The following GFPT2 variants were observed in gnomAD, a reference collection of about 807,000 sequenced individuals.
GFPT2 encodes the protein glutamine--fructose-6-phosphate transaminase 2.
GFPT2 carries 62 observed loss-of-function variants against 85.6 expected under a neutral mutation model. The observed-to-expected ratio is 0.72, with a 90% CI of 0.59 to 0.90. The LOEUF is 0.90. GFPT2 is among the 40% of genes least tolerant of loss of function. GFPT2 has a pLI of 0.00. For missense variants in GFPT2, 788 were observed against 893.4 expected (o/e 0.88, Z 1.50); for synonymous variants, 368 against 344.5 (o/e 1.07, Z -0.75).
rs1429251809 is a variant in GFPT2, at chr5:180,304,873, G to A, written c.1741C>T (p.Leu581=). 4 of 1,613,126 alleles carry A rather than the reference G, an allele frequency of 2.5e-6. No individual in the cohort carries two copies. Among genetic ancestry groups the A allele is most frequent in the Non-Finnish European group, 3.4e-6 (4 of 1,179,156 alleles). Residue 581 remains leucine, a synonymous_variant, in exon 17 of 19, where the codon CTG becomes TTG. Coordinates refer to ENST00000253778, the MANE Select transcript of GFPT2 (RefSeq NM_005110.4). ...ILAGELKHGP[L]ALIDKQMPVI... The stretch of plus-strand genomic sequence containing the variant: ...GGCATCTGCTTGTCAATCAGTGCCA[G>A]GGGCCCGTGCTTCAGCTCCCCAGCC...
In GFPT2 at chr5:180,316,388, T is replaced by C. The variant is rs902153151; in HGVS notation, c.1226A>G (p.Asn409Ser). 1.5e-5 allele frequency: 25 copies of C among 1,613,828 alleles called. No homozygotes were observed. Among genetic ancestry groups the C allele is most frequent in the Non-Finnish European group, 2.1e-5 (25 of 1,179,818 alleles). ...VELASDFLDR[N>S]TPVFRDDVCF... is the part of the protein sequence containing the mutation. Reference sequence around the variant, plus strand: ...AACGTCATCCCTGAACACAGGTGTGTTCCTGTCCAGAAAATCACTAGCAAG... The same window carrying C: ...AACGTCATCCCTGAACACAGGTGTGCTCCTGTCCAGAAAATCACTAGCAAG... Residue 409 changes from asparagine to serine, a missense_variant, in exon 13 of 19, where the codon AAC becomes AGC. Physicochemically the swap from Asn to Ser is conservative, Grantham distance 46. Transcript: ENST00000253778.
At chr5:180,312,067 C>T (rs191519307) in intron 15 of GFPT2, among the ~76,000 whole-genome samples, 2,978 of 44,118 alleles carry the variant, frequency 0.068, 772 homozygotes, top group African/African-American at 0.11. Context: ...GGCAGGGAGG[C>T]GGGGAGGCTG....
chr5:180,304,737 G>A, intron 17 of GFPT2, 35 bp downstream of exon 17: 1 of 1,581,046 alleles, frequency 6.3e-7, no homozygotes. Context: ...GGAAAAGCAG[G>A]AGAGAGCTGG....
chr5:180,302,295 A>T, intron 18 of GFPT2, 128 bp downstream of exon 18: 1 of 702,348 alleles, frequency 1.4e-6, no homozygotes, highest in Non-Finnish European at 2.2e-6. Flanking sequence ...TCAAAAAAAA[A>T]AAAAAGAAAG....
At chr5:180,315,206 CT>C (rs1036100858) in intron 13 of GFPT2, among the ~76,000 whole-genome samples, 23 of 149,560 alleles carry the variant, frequency 1.5e-4, no homozygotes, top group African/African-American at 5.7e-4. Flanking sequence ...GAGACGGAGT[CT>C]CGCTCTGTCG....
intron 9 of GFPT2, among the ~76,000 whole-genome samples, chr5:180,319,769 A>G (rs1427322709): frequency 6.6e-6 from 1 of 152,192 alleles, no homozygotes; most frequent in Non-Finnish European, 1.5e-5. Context: ...TCAAACCTGA[A>G]TAAGATCGAG....
At chr5:180,339,735 G>A (rs1029118523) in intron 1 of GFPT2, among the ~76,000 whole-genome samples, 5 of 152,134 alleles carry the variant, frequency 3.3e-5, no homozygotes, top group African/African-American at 9.7e-5. Context: ...TCCAGCCCCC[G>A]CCCTGGGCAG....
chr5:180,333,703 A>G (rs929821555), intron 4 of GFPT2, among the ~76,000 whole-genome samples: 5 of 152,204 alleles, frequency 3.3e-5, no homozygotes, highest in African/African-American at 1.2e-4. Context: ...CCTTAAAAGC[A>G]TGCTCTTCAG....
At chr5:180,334,689 C>T (rs1047867793) in intron 4 of GFPT2, among the ~76,000 whole-genome samples, 10 of 152,194 alleles carry the variant, frequency 6.6e-5, no homozygotes, top group African/African-American at 2.4e-4. Flanking sequence ...GTACACCCTC[C>T]CCTGGCATGT....
At chr5:180,351,827 G>T (rs1167274630) in intron 1 of GFPT2, among the ~76,000 whole-genome samples, 1 of 152,202 alleles carries the variant, frequency 6.6e-6, no homozygotes, top group Non-Finnish European at 1.5e-5. Flanking sequence ...CATCTGAAAG[G>T]AAGGGGAAGG....
At position 180,347,983 on chromosome 5, in the gene GFPT2, G is replaced by A. The variant is rs1296906454; in HGVS notation, c.7+5228C>T. 2.6e-5 allele frequency among the ~76,000 whole-genome samples: 4 copies of A among 152,140 alleles called. No homozygotes were observed. In the East Asian group the frequency reaches 7.7e-4, roughly 29 times the overall value. On this transcript the variant is annotated intron_variant, in intron 1 of 18. Coordinates refer to ENST00000253778, the MANE Select transcript of GFPT2 (RefSeq NM_005110.4). ...AACGAAAGCCCAGCCCTCACTCTGA[G>A]TGAGGGGACCGTTCCAGGGAGAGGC...
intron 17 of GFPT2, 58 bp from the exon 18 acceptor site, chr5:180,302,642 T>C: frequency 1.5e-6 from 2 of 1,368,818 alleles, no homozygotes; most frequent in Non-Finnish European, 2.1e-6. Flanking sequence ...CTATCCCTGA[T>C]GCATACAGAG....
At chr5:180,315,380 G>A (rs1363728813) in intron 13 of GFPT2, among the ~76,000 whole-genome samples, 3 of 152,078 alleles carry the variant, frequency 2.0e-5, no homozygotes. Context: ...GGGTTTCACT[G>A]TGTGAGCCAG....
At chr5:180,308,053 G>A (rs1267713344) in intron 15 of GFPT2, among the ~76,000 whole-genome samples, 1 of 152,140 alleles carries the variant, frequency 6.6e-6, no homozygotes, top group Non-Finnish European at 1.5e-5. Context: ...TCAGGAGATC[G>A]AGACCATCCT....
In GFPT2 at chr5:180,317,064, C is replaced by T. The variant is rs1215498131; in HGVS notation, c.959-6G>A. The T allele has an allele frequency of 1.3e-6, 2 of 1,538,726 alleles. No individual in the cohort carries two copies. Among genetic ancestry groups the T allele is most frequent in the African/African-American group, 1.4e-5 (1 of 73,696 alleles). Reference sequence around the variant, plus strand: ...CATAAACGCACTGAAGTTACCTGGTCAAATAAACGTCTGGTCAGTTTTAAT... The same window carrying T: ...CATAAACGCACTGAAGTTACCTGGTTAAATAAACGTCTGGTCAGTTTTAAT... On this transcript the variant is annotated splice_polypyrimidine_tract_variant and splice_region_variant and intron_variant, in intron 10 of 18. Coordinates refer to ENST00000253778, the MANE Select transcript of GFPT2 (RefSeq NM_005110.4).
intron 17 of GFPT2, among the ~76,000 whole-genome samples, chr5:180,304,425 T>C (rs1763738085): frequency 6.6e-6 from 1 of 152,182 alleles, no homozygotes; most frequent in Non-Finnish European, 1.5e-5. Flanking sequence ...AGACCTGACC[T>C]AACTCCAGGT....
In GFPT2 at chr5:180,318,934, G is replaced by A. The variant is rs758098841; in HGVS notation, c.817C>T (p.Arg273Trp). The A allele has an allele frequency of 8.1e-6, 13 of 1,613,192 alleles. No homozygotes were observed. The highest frequency in any genetic ancestry group is 1.6e-4 in the Middle Eastern group (1 of 6,062). ...DASAIIEHTN[R>W]VIFLEDDDIA... ...TCATCGTCCTCCAGGAAGATGACCC[G>A]GTTGGTGTGCTCTATGATAGCGCTG... Residue 273 changes from arginine to tryptophan, a missense_variant, in exon 10 of 19, where the codon CGG becomes TGG. Arg to Trp is a moderately radical substitution (Grantham distance 101). Transcript: ENST00000253778. The surrounding 1 kb of genome is among the most constrained non-coding windows in gnomAD (Gnocchi z 4.2).
rs1040217524 is a variant in GFPT2, at chr5:180,318,152, A to C, written c.958+641T>G. 6.6e-6 allele frequency among the ~76,000 whole-genome samples: 1 copy of C among 152,104 alleles called. No homozygotes were observed. Among genetic ancestry groups the C allele is most frequent in the African/African-American group, 2.4e-5 (1 of 41,416 alleles). On this transcript the variant is annotated intron_variant, in intron 10 of 18. Transcript: ENST00000253778. The surrounding 1 kb of genome is among the most constrained non-coding windows in gnomAD (Gnocchi z 4.2). ...AAAAGGAACCAGTCCTATGAGAAGA[A>C]CAGCGAATGCAGGGGCTGTGGCGGG... is the stretch of plus-strand genomic sequence containing the variant.
At chr5:180,327,473 T>G (rs948442361) in intron 7 of GFPT2, among the ~76,000 whole-genome samples, 9 of 152,212 alleles carry the variant, frequency 5.9e-5, no homozygotes, top group African/African-American at 1.9e-4. Context: ...TCCCACTGCC[T>G]GCCTGGGGCT....
Sources: allele counts gnomAD v4.1 joint callset (sites outside exome capture counted in the v4.1 genomes callset), GRCh38; gene constraint gnomAD v4.1.1; non-coding constraint Gnocchi (gnomAD v3.1); transcripts MANE v1.5; gene names NCBI Gene and HGNC (gene_info 2026-07-23, HGNC 2026-07-21).